The following LIG3 variants were observed in gnomAD, a reference collection of about 807,000 sequenced individuals.
The protein encoded by LIG3 is DNA ligase 3, also known as ligase II, DNA, ATP-dependent.
A neutral mutation model predicts 110.9 loss-of-function variants in LIG3; 58 were observed. The observed-to-expected ratio is 0.52, with a 90% CI of 0.42 to 0.65. The LOEUF (loss-of-function observed/expected upper bound fraction) is 0.65, where lower values mean the gene tolerates loss of function less well. LIG3 is among the 30% of genes least tolerant of loss of function. LIG3 has a pLI of 0.00. For missense variants in LIG3, 1,094 were observed against 1,273.8 expected (o/e 0.86, Z 2.15); for synonymous variants, 422 against 472.8 (o/e 0.89, Z 1.39).
chr17:35,001,773 C>G, intron 17 of LIG3, 136 bp from the exon 18 acceptor site: 1 of 752,906 alleles, frequency 1.3e-6, no homozygotes, highest in Non-Finnish European at 2.1e-6. Context: ...GCCAAGGGAG[C>G]CAACTCCTTT....
chr17:34,991,121 G>C lies in LIG3; in HGVS notation c.1041+7G>C. 2 of 1,613,724 alleles carry C rather than the reference G, an allele frequency of 1.2e-6. No homozygotes were observed. The highest frequency in any genetic ancestry group is 8.5e-7 in the Non-Finnish European group (1 of 1,179,772). ...GGCACGGGACCTAGAGCAGGTCAGA[G>C]GAACGGGAGGGAGGGTAGGCTACAT... On this transcript the variant is annotated splice_region_variant and intron_variant, in intron 5 of 19. Coordinates refer to ENST00000378526, the MANE Select transcript of LIG3 (RefSeq NM_013975.4).
At position 34,983,069 on chromosome 17, in the gene LIG3, T is replaced by C. The variant is rs1416406871; in HGVS notation, c.64T>C (p.Cys22Arg). The C allele has an allele frequency of 5.0e-6, 8 of 1,613,776 alleles. No individual in the cohort carries two copies. The highest frequency in any genetic ancestry group is 5.9e-6 in the Non-Finnish European group (7 of 1,179,882). ...TLRALSRKEL[C>R]LFRKHHWRDV... ...CCGTGCACTCAGCCGAAAAGAACTG[T>C]GCCTATTCCGAAAACATCACTGGCG... The change falls in exon 2 of 20, where the codon TGC becomes CGC. Residue 22 changes from cysteine to arginine, a missense_variant. By Grantham distance (180) the Cys-to-Arg change is radical. Transcript: ENST00000378526.
rs762183361 is a variant in LIG3 at position 34,992,544 on chromosome 17, A to T, written c.1307A>T (p.Asn436Ile). The change falls in exon 8 of 20, where the codon AAT (asparagine) becomes ATT (isoleucine). Residue 436 changes from asparagine to isoleucine, a missense_variant. Physicochemically the swap from Asn to Ile is moderately radical, Grantham distance 149 (BLOSUM62 -3). Coordinates refer to ENST00000378526, the MANE Select transcript of LIG3 (RefSeq NM_013975.4). ...AKHVLDALDP[N>I]AYEAFKASRN... ...GGCAGGTTAGACGCCCTTGACCCCA[A>T]TGCCTATGAAGCCTTCAAAGCCTCG... is the stretch of plus-strand genomic sequence containing the variant. The T allele has an allele frequency of 6.2e-7, 1 of 1,605,820 alleles. No homozygotes were observed. Among genetic ancestry groups the T allele is most frequent in the South Asian group, 1.1e-5 (1 of 89,918 alleles).
intron 10 of LIG3, 94 bp downstream of exon 10, chr17:34,996,289 C>T: frequency 7.2e-7 from 1 of 1,380,980 alleles, no homozygotes; most frequent in Non-Finnish European, 1.0e-6. Flanking sequence ...GAGGAAATAT[C>T]CCTTAGTGTG....
chr17:35,004,002 CTT>C, intron 19 of LIG3: 1 of 435,832 alleles, frequency 2.3e-6, no homozygotes, highest in Non-Finnish European at 4.2e-6. Context: ...CTGGGTGGCT[CTT>C]ATACACATGT....
intron 3 of LIG3, 69 bp from the exon 4 acceptor site, chr17:34,989,397 G>C (rs1449354098): frequency 7.1e-7 from 1 of 1,402,680 alleles, no homozygotes. Flanking sequence ...ATATCTGTTA[G>C]TTTCCTTCCT....
At chr17:34,995,405 G>A (rs954611461) in intron 9 of LIG3, among the ~76,000 whole-genome samples, 1 of 152,202 alleles carries the variant, frequency 6.6e-6, no homozygotes, top group Non-Finnish European at 1.5e-5. Context: ...GAAGAAGTCT[G>A]AGCACACTTT....
chr17:34,991,905 C>T (rs1288680371), intron 6 of LIG3, 53 bp from the exon 7 acceptor site: 27 of 1,613,820 alleles, frequency 1.7e-5, no homozygotes, highest in Admixed American at 3.3e-5. Flanking sequence ...GGAAGGTTCC[C>T]TTGGGGTTCC....
chr17:34,983,212 C>T lies in LIG3; in HGVS notation c.207C>T (p.Thr69=). 1 of 1,614,202 alleles carries T rather than the reference C, an allele frequency of 6.2e-7. No individual in the cohort carries two copies. Among genetic ancestry groups the T allele is most frequent in the Non-Finnish European group, 8.5e-7 (1 of 1,180,022 alleles). The stretch of plus-strand genomic sequence containing the variant: ...GAAGCCATCTAAGATCACGTGCCAC[C>T]TACCTTGTTTTCTTGCCAGGGTTGC... ...FQGSHLRSRA[T]YLVFLPGLHV... is the part of the protein sequence containing the mutation. The change falls in exon 2 of 20, where the codon ACC becomes ACT. Residue 69 remains threonine (T), a synonymous_variant. Coordinates refer to ENST00000378526, the MANE Select transcript of LIG3 (RefSeq NM_013975.4).
intron 18 of LIG3, 52 bp from the exon 19 acceptor site, chr17:35,002,616 G>A (rs2090855124): frequency 6.3e-7 from 1 of 1,579,884 alleles, no homozygotes; most frequent in Non-Finnish European, 8.6e-7. Flanking sequence ...CTCCCGAGTA[G>A]CTGGGACTAT....
chr17:34,992,410 A>C, intron 7 of LIG3, 114 bp from the exon 8 acceptor site: 1 of 1,188,728 alleles, frequency 8.4e-7, no homozygotes, highest in South Asian at 1.5e-5. Context: ...ACAATAGAAC[A>C]CAACCCCTTC....
In LIG3 at chr17:34,998,700, G is replaced by A; in HGVS notation, c.2086G>A (p.Gly696Arg). 1.2e-6 allele frequency: 2 copies of A among 1,614,002 alleles called. No homozygotes were observed. Among genetic ancestry groups the A allele is most frequent in the East Asian group, 2.2e-5 (1 of 44,888 alleles). ...CGACACAGCTGACCTGGTGGTCCTTGGAGCCTTCTATGGGCAAGGGAGCAA... is the reference window on the plus strand; with the variant it reads ...CGACACAGCTGACCTGGTGGTCCTTAGAGCCTTCTATGGGCAAGGGAGCAA... ...MADTADLVVL[G>R]AFYGQGSKGG... Residue 696 changes from glycine (G) to arginine (R), a missense_variant, in exon 14 of 20, where the codon GGA (glycine) becomes AGA (arginine). Physicochemically the swap from Gly to Arg is moderately radical, Grantham distance 125. Transcript: ENST00000378526.
downstream of LIG3, chr17:35,009,783 C>G (rs917991376): frequency 5.9e-5 from 9 of 152,580 alleles, no homozygotes; most frequent in Admixed American, 5.9e-4. Context: ...AAGGCTTCAG[C>G]AGAGAAAGCA....
intron 16 of LIG3, among the ~76,000 whole-genome samples, chr17:35,000,966 A>G (rs574848692): frequency 1.3e-5 from 2 of 151,806 alleles, no homozygotes; most frequent in African/African-American, 4.8e-5. Context: ...GAGCAGTGGC[A>G]TGATCTCAGC....
At chr17:35,000,989 C>G (rs2090835001) in intron 16 of LIG3, among the ~76,000 whole-genome samples, 1 of 152,108 alleles carries the variant, frequency 6.6e-6, no homozygotes, top group South Asian at 2.1e-4. Flanking sequence ...ACTGCAACCT[C>G]TGCCTCCTGG....
rs759406669 is a variant in LIG3 at position 34,999,817 on chromosome 17, C to T, written c.2292C>T (p.Asn764=). Residue 764 remains asparagine, a synonymous_variant, in exon 16 of 20, where the codon AAC becomes AAT. Coordinates refer to ENST00000378526, the MANE Select transcript of LIG3 (RefSeq NM_013975.4). ...PSKIPSWLKV[N]KIYYPDFIVP... is the part of the protein sequence containing the mutation. ...AAATACCCAGCTGGTTGAAGGTCAA[C>T]AAGATCTACTATCCTGACTTCATCG... 1.2e-6 allele frequency: 2 copies of T among 1,614,066 alleles called. No homozygotes were observed. The highest frequency in any genetic ancestry group is 1.7e-6 in the Non-Finnish European group (2 of 1,180,024).
intron 18 of LIG3, among the ~76,000 whole-genome samples, chr17:35,002,434 T>TCCTTCCCATTACTGCC (rs2090853141): frequency 6.6e-6 from 1 of 152,204 alleles, no homozygotes; most frequent in African/African-American, 2.4e-5. Context: ...AAGCCCCTGG[T>TCCTTCCCATTACTGCC]CCTTCCCATT....
chr17:34,985,189 A>G (rs1425967035), intron 2 of LIG3, among the ~76,000 whole-genome samples: 3 of 152,246 alleles, frequency 2.0e-5, no homozygotes, highest in African/African-American at 7.2e-5. Flanking sequence ...ATGTACATGC[A>G]TATTTACATA....
At chr17:35,009,830 A>G (rs1209761133), downstream of LIG3, 19 of 152,634 alleles carry the variant, frequency 1.2e-4, no homozygotes, top group Admixed American at 1.2e-3. Flanking sequence ...CCCTTAAGTT[A>G]CTGCTAGATC....
Sources: gnomAD v4.1 joint callset for allele counts (sites outside exome capture counted in the v4.1 genomes callset) on GRCh38, gnomAD v4.1.1 for gene constraint, MANE v1.5 for transcripts, NCBI Gene and HGNC (gene_info 2026-07-23, HGNC 2026-07-21) for gene names.